PTPRD: variants seen among roughly 807,000 people sequenced by gnomAD.
PTPRD encodes the protein receptor-type tyrosine-protein phosphatase delta.
A neutral mutation model predicts 214.5 loss-of-function variants in PTPRD; 34 were observed. That is an observed-to-expected ratio of 0.16 (90% CI 0.12 to 0.21). The LOEUF (loss-of-function observed/expected upper bound fraction) is 0.21, where lower values mean the gene tolerates loss of function less well. Ranked by LOEUF, PTPRD falls within the 10% of genes least tolerant of loss-of-function variation. The pLI, the probability that PTPRD is intolerant of heterozygous loss-of-function variation, is 1.00. For missense variants in PTPRD, 2,545 were observed against 2,398.7 expected (o/e 1.06, Z -1.27); for synonymous variants, 1,128 against 845.7 (o/e 1.33, Z -5.79).
chr9:8,335,700 A>C (rs983647968), intron 43 of PTPRD, among the ~76,000 whole-genome samples: 8 of 152,162 alleles, frequency 5.3e-5, no homozygotes, highest in Admixed American at 5.2e-4. Flanking sequence ...AGGAAGTGAA[A>C]TTGTCTCTGT....
chr9:10,349,558 C>A (rs2097147657), intron 2 of PTPRD, among the ~76,000 whole-genome samples: 1 of 151,822 alleles, frequency 6.6e-6, no homozygotes, highest in Non-Finnish European at 1.5e-5. Context: ...TTTCCATGTC[C>A]CTCAGTATTT....
intron 3 of PTPRD, among the ~76,000 whole-genome samples, chr9:10,038,541 A>G (rs2097232358): frequency 6.6e-6 from 1 of 152,122 alleles, no homozygotes; most frequent in Non-Finnish European, 1.5e-5. Context: ...CCACAACCTC[A>G]TATTGGAGAT....
At chr9:8,405,959 G>T (rs752680565) in intron 35 of PTPRD, among the ~76,000 whole-genome samples, 3 of 151,606 alleles carry the variant, frequency 2.0e-5, no homozygotes, top group African/African-American at 7.3e-5. Flanking sequence ...AAGTCTGTTA[G>T]TAGTCTTGAA....
At position 8,941,200 on chromosome 9, in the gene PTPRD, G is replaced by C. The variant is rs144670880; in HGVS notation, c.-104+77497C>G. Among the ~76,000 whole-genome samples the C allele has an allele frequency of 5.6e-3, 845 of 152,158 alleles. 11 individuals are homozygous for C. Among genetic ancestry groups the C allele is most frequent in the African/African-American group, 0.019 (794 of 41,514 alleles). On this transcript the variant is annotated intron_variant, in intron 11 of 45. Transcript: ENST00000381196. ...AAAAAGTAAAATAAAATTTAAAAATGGGTAAATGTATCTCCTCAACCTTGT... is the reference window on the plus strand; with the variant it reads ...AAAAAGTAAAATAAAATTTAAAAATCGGTAAATGTATCTCCTCAACCTTGT...
intron 2 of PTPRD, among the ~76,000 whole-genome samples, chr9:10,372,292 T>C (rs750381553): frequency 6.6e-5 from 10 of 152,134 alleles, no homozygotes; most frequent in Non-Finnish European, 1.2e-4. Flanking sequence ...CAATGCCCTC[T>C]GTTTTGTTGT....
intron 11 of PTPRD, among the ~76,000 whole-genome samples, chr9:8,788,287 G>C (rs1165118719): frequency 8.2e-6 from 1 of 122,362 alleles, no homozygotes; most frequent in Non-Finnish European, 1.6e-5. Flanking sequence ...TTGTGTGTGT[G>C]TGTGTGAGAT....
In PTPRD at chr9:10,105,628, A is replaced by T. The variant is rs1265885628; in HGVS notation, c.-544-71838T>A. Among the ~76,000 whole-genome samples the T allele has an allele frequency of 2.0e-5, 3 of 151,824 alleles. No individual in the cohort carries two copies. The Admixed American group carries it at 2.0e-4, about 10-fold the overall frequency. Reference sequence around the variant, plus strand: ...TGCCCATCTCTCACTCCCTCTGCCAACCTGAATTGGACCAGTTTACTATTT... The same window carrying T: ...TGCCCATCTCTCACTCCCTCTGCCATCCTGAATTGGACCAGTTTACTATTT... On this transcript the variant is annotated intron_variant, in intron 3 of 45. Transcript: ENST00000381196.
chr9:10,538,479 C>T (rs1254682336), intron 2 of PTPRD, among the ~76,000 whole-genome samples: 1 of 152,032 alleles, frequency 6.6e-6, no homozygotes, highest in Non-Finnish European at 1.5e-5. Flanking sequence ...TAATCCCTCT[C>T]TCTATATATA....
intron 4 of PTPRD, among the ~76,000 whole-genome samples, chr9:9,954,205 AGAATCGCTT>A (rs1189922554): frequency 6.7e-6 from 1 of 148,834 alleles, no homozygotes; most frequent in Non-Finnish European, 1.5e-5. Flanking sequence ...CTGAGGGATG[AGAATCGCTT>A]GAACCTGGGA....
chr9:8,948,469 A>ATATTTATATATATATT (rs1491217928), intron 11 of PTPRD, among the ~76,000 whole-genome samples: 350 of 7,022 alleles, frequency 0.05, 84 homozygotes, highest in African/African-American at 0.11. Context: ...ATATATTTAC[A>ATATTTATATATATATT]TATATATATA....
chr9:9,548,714 G>T (rs828833), intron 8 of PTPRD, among the ~76,000 whole-genome samples: 15,726 of 152,120 alleles, frequency 0.1, 970 homozygotes, highest in East Asian at 0.15. Context: ...AAGAAAGATG[G>T]AGTGCCGTAT....
At chr9:8,737,103 G>C (rs921260439) in intron 11 of PTPRD, among the ~76,000 whole-genome samples, 14 of 152,184 alleles carry the variant, frequency 9.2e-5, no homozygotes, top group African/African-American at 3.4e-4. Flanking sequence ...GGGAAGAAGT[G>C]ATTTGGCTTT....
At chr9:10,480,957 A>G (rs986088730) in intron 2 of PTPRD, among the ~76,000 whole-genome samples, 2 of 152,158 alleles carry the variant, frequency 1.3e-5, no homozygotes, top group Non-Finnish European at 2.9e-5. Context: ...TGTTCTGGGA[A>G]GCCATTCATT....
At chr9:8,654,332 T>A (rs2096868924) in intron 12 of PTPRD, among the ~76,000 whole-genome samples, 1 of 152,166 alleles carries the variant, frequency 6.6e-6, no homozygotes, top group African/African-American at 2.4e-5. Context: ...TCATCTTCTC[T>A]CTCTTCTGCT....
intron 10 of PTPRD, among the ~76,000 whole-genome samples, chr9:9,096,280 A>G (rs2099783394): frequency 6.6e-6 from 1 of 152,194 alleles, no homozygotes. Context: ...ATTTGCTTCA[A>G]TATAGTAATC....
chr9:8,737,939 G>T (rs1172853364), intron 11 of PTPRD, among the ~76,000 whole-genome samples: 1 of 119,874 alleles, frequency 8.3e-6, no homozygotes, highest in African/African-American at 2.7e-5. Context: ...GTGAGCCACT[G>T]CACCCGGCTC....
At chr9:9,745,887 C>T (rs978563358) in intron 6 of PTPRD, among the ~76,000 whole-genome samples, 2 of 152,112 alleles carry the variant, frequency 1.3e-5, no homozygotes, top group Non-Finnish European at 2.9e-5. Context: ...AAGAGAACAA[C>T]TGAAATCACA....
chr9:9,372,220 G>C (rs892189761), intron 9 of PTPRD, among the ~76,000 whole-genome samples: 10 of 152,066 alleles, frequency 6.6e-5, no homozygotes, highest in African/African-American at 2.4e-4. Flanking sequence ...GGGTGTTAAA[G>C]TCTCCCATTA....
chr9:9,972,171 G>T (rs994518508), intron 4 of PTPRD, among the ~76,000 whole-genome samples: 4 of 151,950 alleles, frequency 2.6e-5, no homozygotes, highest in Non-Finnish European at 5.9e-5. Flanking sequence ...TTATGTTATA[G>T]CCCACAGAGA....
Sources: allele counts gnomAD v4.1 joint callset (sites outside exome capture counted in the v4.1 genomes callset), GRCh38; gene constraint gnomAD v4.1.1; transcripts MANE v1.5; gene names NCBI Gene and HGNC (gene_info 2026-07-23, HGNC 2026-07-21).